KCNIP1: variants seen among roughly 807,000 people sequenced by gnomAD.
The protein encoded by KCNIP1 is potassium voltage-gated channel interacting protein 1, also known as A-type potassium channel modulatory protein KCNIP1.
KCNIP1 carries 18 observed loss-of-function variants against 33.0 expected under a neutral mutation model. The observed-to-expected ratio is 0.55, with a 90% CI of 0.38 to 0.81. The LOEUF (loss-of-function observed/expected upper bound fraction) is 0.81, where lower values mean the gene tolerates loss of function less well. Ranked by LOEUF, KCNIP1 falls within the 30% of genes least tolerant of loss-of-function variation. The probability of loss-of-function intolerance (pLI) is 0.00; values close to 1 mark genes in which losing one functional copy is unlikely to be tolerated. For synonymous variants in KCNIP1, 93 were observed against 98.3 expected (o/e 0.95, Z 0.32); for missense variants, 238 against 271.6 (o/e 0.88, Z 0.87).
intron 1 of KCNIP1, among the ~76,000 whole-genome samples, chr5:170,653,260 A>T (rs539838868): frequency 1.3e-5 from 2 of 152,182 alleles, no homozygotes; most frequent in African/African-American, 4.8e-5. Context: ...GGAATTGGGG[A>T]AACTCTCCCC....
At chr5:170,648,420 C>T (rs1212661191) in intron 1 of KCNIP1, among the ~76,000 whole-genome samples, 1 of 152,158 alleles carries the variant, frequency 6.6e-6, no homozygotes, top group African/African-American at 2.4e-5. Flanking sequence ...AATGATGGTG[C>T]ATCCTGGCAG....
chr5:170,534,837 T>C (rs1323108022), intron 1 of KCNIP1, among the ~76,000 whole-genome samples: 1 of 151,982 alleles, frequency 6.6e-6, no homozygotes, highest in East Asian at 1.9e-4. Flanking sequence ...TAGATTTTTT[T>C]TTTTTTTTAA....
At chr5:170,608,597 C>A (rs1222035943) in intron 1 of KCNIP1, among the ~76,000 whole-genome samples, 1 of 152,066 alleles carries the variant, frequency 6.6e-6, no homozygotes, top group Non-Finnish European at 1.5e-5. Context: ...CATGGTAAAA[C>A]CCCGTCTCTA....
At chr5:170,455,937 G>A (rs1756360706) in intron 1 of KCNIP1, among the ~76,000 whole-genome samples, 1 of 152,172 alleles carries the variant, frequency 6.6e-6, no homozygotes, top group African/African-American at 2.4e-5. Context: ...AATACCATTT[G>A]ACCCAGCAAT....
intron 1 of KCNIP1, among the ~76,000 whole-genome samples, chr5:170,424,047 G>C (rs1354527042): frequency 6.6e-6 from 1 of 152,196 alleles, no homozygotes; most frequent in Non-Finnish European, 1.5e-5. Context: ...AGCTGCTTAT[G>C]TAACCATTAG....
intron 1 of KCNIP1, among the ~76,000 whole-genome samples, chr5:170,709,687 C>T (rs1763378337): frequency 6.6e-6 from 1 of 152,080 alleles, no homozygotes; most frequent in Admixed American, 6.6e-5. Context: ...TGTAGTGCTC[C>T]TTCACTCTGT....
chr5:170,485,667 C>A (rs1172896697), intron 1 of KCNIP1, among the ~76,000 whole-genome samples: 1 of 152,202 alleles, frequency 6.6e-6, no homozygotes, highest in Admixed American at 6.5e-5. Flanking sequence ...GGGAGAGGGG[C>A]TGCTGATGAC....
chr5:170,387,183 TTTTAGGGGAA>T (rs1272428676), intron 1 of KCNIP1, among the ~76,000 whole-genome samples: 1 of 152,136 alleles, frequency 6.6e-6, no homozygotes, highest in African/African-American at 2.4e-5. Context: ...TTAGGGGAAA[TTTTAGGGGAA>T]TTTAGGGGAA....
At chr5:170,469,173 T>TTCC (rs1756669983) in intron 1 of KCNIP1, among the ~76,000 whole-genome samples, 1 of 152,078 alleles carries the variant, frequency 6.6e-6, no homozygotes, top group South Asian at 2.1e-4. Flanking sequence ...GACAAGAGGA[T>TTCC]TCCTTGAGGC....
chr5:170,512,899 A>T (rs1754990216), intron 1 of KCNIP1, among the ~76,000 whole-genome samples: 1 of 152,062 alleles, frequency 6.6e-6, no homozygotes, highest in Non-Finnish European at 1.5e-5. Flanking sequence ...AATACAAAAA[A>T]ATTAGCCAGG....
At chr5:170,413,620 G>A (rs1387234560) in intron 1 of KCNIP1, among the ~76,000 whole-genome samples, 1 of 152,116 alleles carries the variant, frequency 6.6e-6, no homozygotes, top group Non-Finnish European at 1.5e-5. Context: ...AGAGATTTTT[G>A]GAAGCTGCAA....
intron 1 of KCNIP1, among the ~76,000 whole-genome samples, chr5:170,390,517 A>AAAAAAAAAAAAAAAAAAAAAT: frequency 2.7e-5 from 2 of 74,546 alleles, no homozygotes; most frequent in African/African-American, 6.4e-5. Context: ...AAAAAAAACA[A>AAAAAAAAAAAAAAAAAAAAAT]ATATATATAT....
chr5:170,676,641 A>C (rs986915901), intron 1 of KCNIP1, among the ~76,000 whole-genome samples: 1 of 152,206 alleles, frequency 6.6e-6, no homozygotes, highest in Non-Finnish European at 1.5e-5. Context: ...TACCAGGAGA[A>C]CCACTCAGAA....
At chr5:170,569,978 T>C (rs775111719) in intron 1 of KCNIP1, among the ~76,000 whole-genome samples, 1 of 152,180 alleles carries the variant, frequency 6.6e-6, no homozygotes, top group African/African-American at 2.4e-5. Context: ...CTGGCTGTTT[T>C]TCCCTAGGAC....
chr5:170,594,737 C>T (rs540104769), intron 1 of KCNIP1, among the ~76,000 whole-genome samples: 8 of 152,300 alleles, frequency 5.3e-5, no homozygotes, highest in African/African-American at 1.9e-4. Context: ...TCTTGATCTC[C>T]TGACCTCAGG....
In KCNIP1 at chr5:170,476,490, A is replaced by G. The variant is rs74891944; in HGVS notation, c.88+122526A>G. On this transcript the variant is annotated intron_variant, in intron 1 of 7. Transcript: ENST00000377360. ...CCAATCTCCCCCTTCTTCATGGCTAATTAGTTAAAAGCACACTGTTGATAA... is the reference window on the plus strand; with the variant it reads ...CCAATCTCCCCCTTCTTCATGGCTAGTTAGTTAAAAGCACACTGTTGATAA... Among the ~76,000 whole-genome samples the G allele has an allele frequency of 2.0e-3, 303 of 152,282 alleles. 1 individual carries two copies. The highest frequency in any genetic ancestry group is 3.4e-3 in the Non-Finnish European group (228 of 68,026).
chr5:170,450,298 G>A (rs1445257494), intron 1 of KCNIP1, among the ~76,000 whole-genome samples: 1 of 152,078 alleles, frequency 6.6e-6, no homozygotes, highest in Admixed American at 6.5e-5. Context: ...TCCCTTAGCC[G>A]TGCAGCCAGG....
chr5:170,667,914 AGG>A (rs1462098452), intron 1 of KCNIP1, among the ~76,000 whole-genome samples: 2 of 152,350 alleles, frequency 1.3e-5, no homozygotes, highest in East Asian at 3.9e-4. Context: ...CTTAAACAAA[AGG>A]GAATTTATTG....
chr5:170,458,089 GA>G (rs1201185107), intron 1 of KCNIP1, among the ~76,000 whole-genome samples: 1 of 152,138 alleles, frequency 6.6e-6, no homozygotes, highest in Non-Finnish European at 1.5e-5. Flanking sequence ...ACACGCTGAA[GA>G]AAGAACTTCA....
Sources: allele counts gnomAD v4.1 joint callset (sites outside exome capture counted in the v4.1 genomes callset), GRCh38; gene constraint gnomAD v4.1.1; transcripts MANE v1.5; gene names NCBI Gene and HGNC (gene_info 2026-07-23, HGNC 2026-07-21).